The following COL6A5 variants were observed in gnomAD, a reference collection of about 807,000 sequenced individuals.
COL6A5 encodes the protein collagen alpha-5(VI) chain.
In COL6A5, 48 loss-of-function variants were observed where a neutral mutation model predicts 65.6. The ratio of observed to expected loss-of-function variants is 0.73; its 90% CI spans 0.58 to 0.93. COL6A5 has a LOEUF of 0.93. Among genes scored for constraint, COL6A5 ranks in the 40% least tolerant of loss-of-function variants. The pLI, the probability that COL6A5 is intolerant of heterozygous loss-of-function variation, is 0.00. For synonymous variants in COL6A5, 291 were observed against 322.8 expected (o/e 0.90, Z 1.05); for missense variants, 914 against 928.3 (o/e 0.98, Z 0.20).
rs539596039 is a variant in COL6A5 at position 130,382,101 on chromosome 3, G to A, written c.1300+2051G>A. Among the ~76,000 whole-genome samples, 6 of 152,096 alleles carry A rather than the reference G, an allele frequency of 3.9e-5. No individual in the cohort carries two copies. In the East Asian group the frequency reaches 1.2e-3, roughly 29 times the overall value. Reference sequence around the variant, plus strand: ...GATTGGTAAGAAAATGAGGAAATGGGAACAGGAAGGAAAGGACAATAAGAA... The same window carrying A: ...GATTGGTAAGAAAATGAGGAAATGGAAACAGGAAGGAAAGGACAATAAGAA... On this transcript the variant is annotated intron_variant and NMD_transcript_variant, in intron 4 of 41. Transcript: ENST00000312481.
At chr3:130,395,084 C>G in exon 8 of COL6A5, 1 of 1,551,620 alleles carries the variant, frequency 6.4e-7, no homozygotes. Context: ...GAAAAACTCT[C>G]TGACTAAAAC....
intron 1 of COL6A5, among the ~76,000 whole-genome samples, chr3:130,348,124 A>G (rs1031198796): frequency 1.3e-5 from 2 of 152,044 alleles, no homozygotes; most frequent in African/African-American, 4.8e-5. Context: ...TTTTAATTTT[A>G]CTTTAAGTTC....
chr3:130,484,682 T>C (rs1297112323), exon 8 of COL6A5: 6 of 343,868 alleles, frequency 1.7e-5, no homozygotes, highest in Non-Finnish European at 2.9e-5. Flanking sequence ...TATTTTTTGC[T>C]GTAATCTTTT....
At chr3:130,481,218 C>G (rs1410598975) in intron 7 of COL6A5, among the ~76,000 whole-genome samples, 1 of 150,906 alleles carries the variant, frequency 6.6e-6, no homozygotes, top group Admixed American at 6.6e-5. Flanking sequence ...CCCGACAAGC[C>G]CCAGTGTGTG....
chr3:130,375,430 A>T (rs763102825), intron 2 of COL6A5, among the ~76,000 whole-genome samples: 23 of 152,052 alleles, frequency 1.5e-4, no homozygotes, highest in Non-Finnish European at 3.4e-4. Flanking sequence ...ACCGGATGAC[A>T]TGCCCTTCTC....
At chr3:130,385,467 T>A (rs1936155285) in intron 5 of COL6A5, 103 bp downstream of exon 5, 1 of 1,216,362 alleles carries the variant, frequency 8.2e-7, no homozygotes, top group Non-Finnish European at 1.1e-6. Flanking sequence ...GTTGTCCGGA[T>A]AACATTTTGC....
chr3:130,377,577 G>T (rs995659095), intron 3 of COL6A5, among the ~76,000 whole-genome samples: 3 of 152,240 alleles, frequency 2.0e-5, no homozygotes, highest in Non-Finnish European at 4.4e-5. Flanking sequence ...GCAGTGGACT[G>T]CATTCTGCTG....
At chr3:130,445,327 C>T (rs567277056) in intron 4 of COL6A5, among the ~76,000 whole-genome samples, 8 of 152,268 alleles carry the variant, frequency 5.3e-5, no homozygotes, top group African/African-American at 1.7e-4. Flanking sequence ...TTCTCGAGCT[C>T]GAACCAACAT....
intron 4 of COL6A5, among the ~76,000 whole-genome samples, chr3:130,383,262 A>G (rs1936070073): frequency 6.6e-6 from 1 of 152,018 alleles, no homozygotes; most frequent in African/African-American, 2.4e-5. Context: ...AGTGTACTCA[A>G]GAAGATGACT....
At chr3:130,465,231 C>G (rs1709787698) in intron 5 of COL6A5, among the ~76,000 whole-genome samples, 1 of 151,890 alleles carries the variant, frequency 6.6e-6, no homozygotes, top group Non-Finnish European at 1.5e-5. Context: ...AACAGGGAGA[C>G]CAAGGCAGTG....
Position 130,391,766 on chromosome 3 carries a change from C to T in COL6A5, c.2992+12C>T. 1 of 1,526,454 alleles carries T rather than the reference C, an allele frequency of 6.6e-7. No homozygotes were observed. The highest frequency in any genetic ancestry group is 8.8e-7 in the Non-Finnish European group (1 of 1,134,876). The allele number at this position is 1,526,454 out of a possible 1,614,324, so 94.6% of individuals were successfully genotyped here. ...TGAAGCACCAGAGGGTAAGTTGTTA[C>T]TTTTAAAGTTTCTATGGGGGTAGCA... On this transcript the variant is annotated intron_variant and NMD_transcript_variant, in intron 7 of 41. Transcript: ENST00000312481.
At chr3:130,409,485 T>G in intron 18 of COL6A5, 97 bp downstream of exon 18, 1 of 1,073,158 alleles carries the variant, frequency 9.3e-7, no homozygotes, top group Non-Finnish European at 1.3e-6. Flanking sequence ...TGTAGGCAAA[T>G]GGTTGTCTTA....
chr3:130,436,004 G>A (rs910537927), intron 1 of COL6A5, among the ~76,000 whole-genome samples: 4 of 151,780 alleles, frequency 2.6e-5, no homozygotes, highest in Admixed American at 6.6e-5. Context: ...TAGCCTTACC[G>A]TTTTCTCCTG....
At chr3:130,466,081 A>G (rs1709808857) in intron 5 of COL6A5, among the ~76,000 whole-genome samples, 1 of 152,126 alleles carries the variant, frequency 6.6e-6, no homozygotes, top group Non-Finnish European at 1.5e-5. Context: ...ATTAAAAATC[A>G]GCAGGAATAT....
At chr3:130,432,631 T>C (rs1054785551) in intron 1 of COL6A5, among the ~76,000 whole-genome samples, 7 of 151,808 alleles carry the variant, frequency 4.6e-5, no homozygotes, top group African/African-American at 1.7e-4. Flanking sequence ...TAAATTGAGA[T>C]TCGAACTTAG....
At chr3:130,409,156 A>G (rs79394681) in intron 17 of COL6A5, among the ~76,000 whole-genome samples, 170 bp from the exon 18 acceptor site, 11,781 of 152,210 alleles carry the variant, frequency 0.077, 555 homozygotes, top group East Asian at 0.17. Flanking sequence ...AATCCTGACC[A>G]TAGGCTTAAA....
At chr3:130,368,452 G>A (rs1324671972) in intron 1 of COL6A5, among the ~76,000 whole-genome samples, 1 of 152,158 alleles carries the variant, frequency 6.6e-6, no homozygotes, top group Non-Finnish European at 1.5e-5. Flanking sequence ...AAGCAAGTGG[G>A]ACGTTCAGTG....
intron 1 of COL6A5, among the ~76,000 whole-genome samples, chr3:130,363,354 A>T (rs1450540615): frequency 6.6e-6 from 1 of 152,216 alleles, no homozygotes; most frequent in Non-Finnish European, 1.5e-5. Flanking sequence ...TTTAGTGGTA[A>T]GGTATGGAGT....
intron 1 of COL6A5, among the ~76,000 whole-genome samples, chr3:130,356,345 T>C (rs372137296): frequency 2.0e-5 from 3 of 152,282 alleles, no homozygotes; most frequent in East Asian, 3.9e-4. Context: ...GACACTCATA[T>C]TAGTCCTTGA....
Sources: gnomAD v4.1 joint callset for allele counts (sites outside exome capture counted in the v4.1 genomes callset) on GRCh38, gnomAD v4.1.1 for gene constraint, MANE v1.5 for transcripts, NCBI Gene and HGNC (gene_info 2026-07-23, HGNC 2026-07-21) for gene names.